Variants in TRAPPC9 observed in about 807,000 individuals in gnomAD.
TRAPPC9 encodes the protein trafficking protein particle complex subunit 9.
A neutral mutation model predicts 124.0 loss-of-function variants in TRAPPC9; 83 were observed. The ratio of observed to expected loss-of-function variants is 0.67; its 90% CI spans 0.56 to 0.80. The LOEUF is 0.80. TRAPPC9 is among the 30% of genes least tolerant of loss of function. The probability of loss-of-function intolerance (pLI) is 0.00; values close to 1 mark genes in which losing one functional copy is unlikely to be tolerated. For synonymous variants in TRAPPC9, 638 were observed against 617.5 expected, an observed-to-expected ratio of 1.03 and a Z score of -0.49; for missense variants, 1,302 against 1,508.3, an observed-to-expected ratio of 0.86 and a Z score of 2.27.
chr8:140,369,065 A>C (rs1188629976), intron 8 of TRAPPC9, among the ~76,000 whole-genome samples: 1 of 152,050 alleles, frequency 6.6e-6, no homozygotes, highest in Non-Finnish European at 1.5e-5. Flanking sequence ...TTCCGCACAG[A>C]CCGTGTGGCT....
intron 17 of TRAPPC9, among the ~76,000 whole-genome samples, chr8:140,157,931 T>C (rs2061683368): frequency 6.6e-6 from 1 of 152,248 alleles, no homozygotes; most frequent in South Asian, 2.1e-4. Context: ...ACTTGCCTTT[T>C]ATTTCTTAAG....
At chr8:139,951,954 C>T (rs953063071) in intron 19 of TRAPPC9, among the ~76,000 whole-genome samples, 4 of 152,162 alleles carry the variant, frequency 2.6e-5, no homozygotes, top group African/African-American at 9.7e-5. Context: ...TGCCACATTC[C>T]AATCATTTGC....
At chr8:140,084,701 C>T (rs529508974) in intron 17 of TRAPPC9, among the ~76,000 whole-genome samples, 38 of 152,384 alleles carry the variant, frequency 2.5e-4, no homozygotes, top group African/African-American at 8.9e-4. Context: ...CCTGAAAGAT[C>T]TGGCATGGTC....
intron 3 of TRAPPC9, 112 bp from the exon 4 acceptor site, chr8:140,435,352 T>C (rs1160647441): frequency 5.1e-6 from 7 of 1,371,618 alleles, no homozygotes; most frequent in Non-Finnish European, 7.1e-6. Flanking sequence ...CTAACAATGA[T>C]TTAAACAGGT....
chr8:140,076,461 C>G (rs1587654778), intron 17 of TRAPPC9, among the ~76,000 whole-genome samples: 1 of 152,300 alleles, frequency 6.6e-6, no homozygotes, highest in Non-Finnish European at 1.5e-5. Context: ...CAGGATCTAG[C>G]TAGGATCAAA....
intron 17 of TRAPPC9, among the ~76,000 whole-genome samples, chr8:140,089,427 AAGTCT>A: frequency 6.6e-6 from 1 of 152,218 alleles, no homozygotes; most frequent in African/African-American, 2.4e-5. Context: ...CAGATGCATT[AAGTCT>A]GCAGTCAAAT....
chr8:139,799,615 T>C (rs1478697289), intron 21 of TRAPPC9, among the ~76,000 whole-genome samples: 7 of 152,092 alleles, frequency 4.6e-5, no homozygotes, highest in Non-Finnish European at 5.9e-5. Context: ...GTATCCCCAA[T>C]TCCACATCAC....
intron 15 of TRAPPC9, among the ~76,000 whole-genome samples, chr8:140,267,523 A>G (rs546290597): frequency 6.6e-6 from 1 of 152,360 alleles, no homozygotes; most frequent in South Asian, 2.1e-4. Context: ...GCAGTGAAAT[A>G]AACAGACGAC....
intron 20 of TRAPPC9, among the ~76,000 whole-genome samples, chr8:139,897,872 A>C (rs1355183589): frequency 6.6e-6 from 1 of 152,236 alleles, no homozygotes; most frequent in Non-Finnish European, 1.5e-5. Flanking sequence ...CACTAAAGAC[A>C]CAGAGACTTT....
At chr8:140,070,638 T>C (rs1843112365) in intron 17 of TRAPPC9, among the ~76,000 whole-genome samples, 3 of 152,124 alleles carry the variant, frequency 2.0e-5, no homozygotes, top group Admixed American at 2.0e-4. Context: ...AAATTGACCA[T>C]AGTGACAGAA....
At chr8:139,767,791 A>G (rs1820682148) in intron 21 of TRAPPC9, among the ~76,000 whole-genome samples, 1 of 152,260 alleles carries the variant, frequency 6.6e-6, no homozygotes, top group African/African-American at 2.4e-5. Context: ...GAGAGACTGT[A>G]GCACAATTCT....
intron 9 of TRAPPC9, among the ~76,000 whole-genome samples, chr8:140,335,810 G>A (rs865948238): frequency 1.3e-5 from 2 of 149,170 alleles, no homozygotes; most frequent in South Asian, 2.1e-4. Flanking sequence ...GGGTTCAAGC[G>A]ATTCTCCCGC....
rs74362911 is a variant in TRAPPC9, at chr8:140,055,843, C to T, written c.2557-31764G>A. 9.4e-3 allele frequency among the ~76,000 whole-genome samples: 1,421 copies of T among 151,744 alleles called. 22 individuals are homozygous for T. Among genetic ancestry groups the T allele is most frequent in the Middle Eastern group, 0.017 (5 of 294 alleles). On this transcript the variant is annotated intron_variant, in intron 17 of 22. Transcript: ENST00000438773. ...TTGAAAACTACAAAATATCGATGAA[C>T]AAAATTAAAGATACAAATGAATACA...
At chr8:140,215,837 C>T (rs1436776044) in intron 17 of TRAPPC9, 5 of 152,160 alleles carry the variant, frequency 3.3e-5, no homozygotes, top group African/African-American at 1.2e-4. Flanking sequence ...AATCCATAAA[C>T]GTCAGTTCTC....
At chr8:140,135,317 A>G (rs538734287) in intron 17 of TRAPPC9, among the ~76,000 whole-genome samples, 1 of 152,332 alleles carries the variant, frequency 6.6e-6, no homozygotes, top group East Asian at 1.9e-4. Flanking sequence ...CCAGATGTAT[A>G]CCTCAGGGAT....
intron 17 of TRAPPC9, among the ~76,000 whole-genome samples, chr8:140,198,633 C>T (rs1368756978): frequency 1.3e-5 from 2 of 152,154 alleles, no homozygotes; most frequent in African/African-American, 2.4e-5. Flanking sequence ...GTAATAAAAC[C>T]GGTCTCCTGC....
intron 15 of TRAPPC9, among the ~76,000 whole-genome samples, chr8:140,267,801 G>C (rs1002507890): frequency 6.6e-6 from 1 of 152,060 alleles, no homozygotes; most frequent in Non-Finnish European, 1.5e-5. Context: ...CAAGTAGCTG[G>C]GATTACAGGT....
At chr8:140,132,568 GAACA>G (rs922963259) in intron 17 of TRAPPC9, among the ~76,000 whole-genome samples, 7 of 152,226 alleles carry the variant, frequency 4.6e-5, no homozygotes, top group African/African-American at 1.7e-4. Flanking sequence ...CACAAACACA[GAACA>G]AACAGCAGTC....
chr8:140,236,956 G>A (rs185889206), intron 16 of TRAPPC9, among the ~76,000 whole-genome samples: 7 of 152,048 alleles, frequency 4.6e-5, no homozygotes, highest in South Asian at 4.2e-4. Flanking sequence ...CAGGGAGGGC[G>A]GATCACCGGA....
Sources: allele counts gnomAD v4.1 joint callset (sites outside exome capture counted in the v4.1 genomes callset), GRCh38; gene constraint gnomAD v4.1.1; transcripts MANE v1.5; gene names NCBI Gene and HGNC (gene_info 2026-07-23, HGNC 2026-07-21).